Variants in FAT1 observed in about 807,000 individuals in gnomAD.
FAT1 encodes the protein FAT atypical cadherin 1.
Under a neutral mutation model 329.8 loss-of-function variants are expected in FAT1, and 171 were observed. The observed-to-expected ratio is 0.52, with a 90% CI of 0.46 to 0.59. FAT1 has a LOEUF of 0.59. FAT1 is among the 20% of genes least tolerant of loss of function. The pLI is 0.00. For missense variants in FAT1, 5,672 were observed against 5,774.4 expected, an observed-to-expected ratio of 0.98 and a Z score of 0.57; for synonymous variants, 2,233 against 2,228.6, an observed-to-expected ratio of 1.00 and a Z score of -0.06.
chr4:186,685,079 C>T (rs1743398240), intron 2 of FAT1, among the ~76,000 whole-genome samples: 1 of 152,148 alleles, frequency 6.6e-6, no homozygotes, highest in Non-Finnish European at 1.5e-5. Context: ...CAGGAGTAAC[C>T]AGGAGCGCAC....
Position 186,603,049 on chromosome 4 carries a change from G to A in FAT1, c.11351-15C>T. 1 of 1,613,710 alleles carries A rather than the reference G, an allele frequency of 6.2e-7. No homozygotes were observed. Among genetic ancestry groups the A allele is most frequent in the Middle Eastern group, 1.7e-4 (1 of 6,060 alleles). ...GCACCTTCCCTCTTCATTCAAAGAG[G>A]GGAGAAAGGGAAAAGATAATTAACA... On this transcript the variant is annotated splice_polypyrimidine_tract_variant and intron_variant, in intron 19 of 26. Transcript: ENST00000441802.
intron 1 of FAT1, among the ~76,000 whole-genome samples, chr4:186,718,935 T>G (rs1041614600): frequency 2.6e-5 from 4 of 152,150 alleles, no homozygotes; most frequent in African/African-American, 9.7e-5. Context: ...CTCCTTGATT[T>G]CATGACACCT....
At chr4:186,607,592 A>AGATGGATGGGTGGGGTG (rs1739212229) in intron 16 of FAT1, among the ~76,000 whole-genome samples, 1 of 151,270 alleles carries the variant, frequency 6.6e-6, no homozygotes, top group African/African-American at 2.4e-5. Flanking sequence ...ATGACTGGAT[A>AGATGGATGGGTGGGGTG]GATGGATGGG....
intron 5 of FAT1, 133 bp downstream of exon 5, chr4:186,636,452 G>T: frequency 2.0e-6 from 2 of 993,136 alleles, no homozygotes; most frequent in Non-Finnish European, 3.0e-6. Flanking sequence ...ATCCGGCATT[G>T]CCTAATGGGG....
In FAT1 at chr4:186,620,121, A is replaced by G. The variant is rs1739957744; in HGVS notation, c.6465T>C (p.Val2155=). The change falls in exon 10 of 27, where the codon GTT becomes GTC. Residue 2155 remains valine (V), a synonymous_variant. Transcript: ENST00000441802. The part of the protein sequence containing the change: ...TLNKEYLVTV[V]AKDGGNPAFS... ...AGGCCGGGTTCCCTCCATCTTTTGC[A>G]ACCACTGTAACAAGATATTCTTTAT... is the stretch of plus-strand genomic sequence containing the variant. The G allele has an allele frequency of 1.2e-6, 2 of 1,614,022 alleles. No homozygotes were observed. The highest frequency in any genetic ancestry group is 1.7e-6 in the Non-Finnish European group (2 of 1,179,874).
chr4:186,721,322 C>T (rs2126724150), intron 1 of FAT1, among the ~76,000 whole-genome samples: 1 of 152,284 alleles, frequency 6.6e-6, no homozygotes, highest in East Asian at 1.9e-4. Flanking sequence ...AAAAGTTCCC[C>T]TCAGGTATGA....
intron 2 of FAT1, among the ~76,000 whole-genome samples, chr4:186,673,527 G>T (rs1432676317): frequency 6.6e-6 from 1 of 152,182 alleles, no homozygotes; most frequent in East Asian, 1.9e-4. Context: ...TGCCCAGAAT[G>T]AGATCATAAG....
rs375540091 is a variant in FAT1 at position 186,707,454 on chromosome 4, T to C, written c.2374A>G (p.Ile792Val). Reference protein sequence around the residue: ...RETTDKYTLNITVYDLGIPQK... With the variant: ...RETTDKYTLNVTVYDLGIPQK... ...GGTATCCCAAGGTCATAGACGGTAA[T>C]ATTCAGGGTGTATTTGTCTGTTGTT... The change falls in exon 2 of 27, where the codon ATT (isoleucine) becomes GTT (valine). Residue 792 changes from isoleucine to valine, a missense_variant. By Grantham distance (29) the Ile-to-Val change is conservative (BLOSUM62 3). This residue lies in a region of FAT1 where 3,966 missense variants were observed against 3,915.2 expected (regional missense o/e 1.01). Coordinates refer to ENST00000441802, the MANE Select transcript of FAT1 (RefSeq NM_005245.4). 18 of 1,613,884 alleles carry C rather than the reference T, an allele frequency of 1.1e-5. No individual in the cohort carries two copies. The highest frequency in any genetic ancestry group is 1.4e-5 in the Non-Finnish European group (16 of 1,179,908).
At chr4:186,719,408 G>C (rs144172554) in intron 1 of FAT1, among the ~76,000 whole-genome samples, 76 of 152,206 alleles carry the variant, frequency 5.0e-4, no homozygotes, top group African/African-American at 1.8e-3. Context: ...TTTATATCAG[G>C]GACTTGAGCA....
chr4:186,597,962 A>C lies in FAT1; in HGVS notation c.12257+10T>G. The C allele has an allele frequency of 1.3e-6, 2 of 1,592,716 alleles. No homozygotes were observed. The highest frequency in any genetic ancestry group is 1.7e-6 in the Non-Finnish European group (2 of 1,172,238). On this transcript the variant is annotated intron_variant, in intron 23 of 26. Coordinates refer to ENST00000441802, the MANE Select transcript of FAT1 (RefSeq NM_005245.4). ...CAATTGATTATGAAAGTTAAGAAAA[A>C]TACACATACCTCTGACCAGTATATA... is the stretch of plus-strand genomic sequence containing the variant.
intron 2 of FAT1, among the ~76,000 whole-genome samples, chr4:186,665,474 T>C (rs1229911938): frequency 6.6e-6 from 1 of 152,366 alleles, no homozygotes; most frequent in East Asian, 1.9e-4. Flanking sequence ...CATGTGTCTG[T>C]TGGCTGCATA....
intron 26 of FAT1, among the ~76,000 whole-genome samples, chr4:186,594,216 C>T (rs563542783): frequency 6.6e-6 from 1 of 152,004 alleles, no homozygotes; most frequent in Admixed American, 6.6e-5. Context: ...CAGGTGCCCA[C>T]CACCACGCCC....
rs183084991 is a variant in FAT1 at position 186,625,533 on chromosome 4, T to C, written c.4810+2621A>G. 5.9e-5 allele frequency among the ~76,000 whole-genome samples: 9 copies of C among 152,344 alleles called. No individual in the cohort carries two copies. In the East Asian group the frequency reaches 1.7e-3, roughly 29 times the overall value. On this transcript the variant is annotated intron_variant, in intron 9 of 26. Transcript: ENST00000441802. The stretch of plus-strand genomic sequence containing the variant: ...TATTACATGATCTATAATTAATCTA[T>C]ACCTGTACCAATTCTAATGCCTAGG...
At chr4:186,658,532 T>G (rs1395189312) in intron 3 of FAT1, among the ~76,000 whole-genome samples, 2 of 152,316 alleles carry the variant, frequency 1.3e-5, no homozygotes, top group East Asian at 3.9e-4. Context: ...TCCAAAATGT[T>G]GCAAGGCAGT....
At chr4:186,616,834 G>A (rs549791693) in intron 11 of FAT1, among the ~76,000 whole-genome samples, 171 bp downstream of exon 11, 1 of 152,186 alleles carries the variant, frequency 6.6e-6, no homozygotes, top group African/African-American at 2.4e-5. Flanking sequence ...GAGCATTCCC[G>A]CAAATAGTTC....
chr4:186,628,447 T>G, intron 8 of FAT1, 41 bp downstream of exon 8: 1 of 1,612,588 alleles, frequency 6.2e-7, no homozygotes, highest in South Asian at 1.1e-5. Context: ...CACAAAGGCC[T>G]CAGGACCAAA....
chr4:186,596,395 C>T lies in FAT1; in HGVS notation c.13000+145G>A. 1 of 861,092 alleles carries T rather than the reference C, an allele frequency of 1.2e-6. No homozygotes were observed. The allele number at this position is 861,092 out of a possible 1,614,324, so 53.3% of individuals were successfully genotyped here. A position where few individuals can be genotyped will look rare whatever the true frequency, so the allele number is the denominator to read the frequency against. On this transcript the variant is annotated intron_variant, in intron 25 of 26. Coordinates refer to ENST00000441802, the MANE Select transcript of FAT1 (RefSeq NM_005245.4). This position sits in a 1 kb window ranked among gnomAD's most constrained non-coding sequence, Gnocchi z 4.7. ...ATGCTAACCCAGCAATCGGGACATC[C>T]AAAAAAGTTTCAAATCATCATACGG...
chr4:186,651,034 A>G (rs1741617242), intron 3 of FAT1, among the ~76,000 whole-genome samples: 1 of 150,330 alleles, frequency 6.7e-6, no homozygotes, highest in Admixed American at 6.6e-5. Context: ...TAATTAAATA[A>G]TTTATTTACT....
chr4:186,689,010 A>C (rs1347920313), intron 2 of FAT1, among the ~76,000 whole-genome samples: 1 of 152,224 alleles, frequency 6.6e-6, no homozygotes, highest in Admixed American at 6.5e-5. Context: ...AACAACAGAA[A>C]GGTCAAGTTT....
Sources: gnomAD v4.1 joint callset for allele counts (sites outside exome capture counted in the v4.1 genomes callset) on GRCh38, gnomAD v4.1.1 for gene constraint, gnomAD v4.1.1 regional missense constraint, Gnocchi (gnomAD v3.1) non-coding constraint, MANE v1.5 for transcripts, NCBI Gene and HGNC (gene_info 2026-07-23, HGNC 2026-07-21) for gene names.